The following ADARB1 variants were observed in gnomAD, a reference collection of about 807,000 sequenced individuals.
ADARB1 encodes the protein adenosine deaminase RNA specific B1.
Under a neutral mutation model 52.4 loss-of-function variants are expected in ADARB1, and 10 were observed. That is an observed-to-expected ratio of 0.19 (90% CI 0.12 to 0.32). The LOEUF is 0.32. Ranked by LOEUF, ADARB1 falls within the 10% of genes least tolerant of loss-of-function variation. The probability of loss-of-function intolerance (pLI) is 1.00; values close to 1 mark genes in which losing one functional copy is unlikely to be tolerated. For missense variants in ADARB1, 643 were observed against 922.3 expected, an observed-to-expected ratio of 0.70 and a Z score of 3.92; for synonymous variants, 349 against 371.1, an observed-to-expected ratio of 0.94 and a Z score of 0.68.
In ADARB1 at chr21:45,204,424, TGCACTCC is replaced by T; in HGVS notation, c.1566-130_1566-124del. The T allele has an allele frequency of 1.3e-6, 1 of 799,804 alleles. No individual in the cohort carries two copies. Among genetic ancestry groups the T allele is most frequent in the Admixed American group, 2.6e-5 (1 of 38,216 alleles). The allele number at this position is 799,804 out of a possible 1,614,324, so 49.5% of individuals were successfully genotyped here. On this transcript the variant is annotated intron_variant, in intron 8 of 10. Coordinates refer to ENST00000348831, the MANE Select transcript of ADARB1 (RefSeq NM_001112.4). This position sits in a 1 kb window ranked among gnomAD's most constrained non-coding sequence, Gnocchi z 4.4. ...CTAAATCAGTCTGTTAACTTTTTGT[TGCACTCC>T]TTCGTCAGTTGGTTGGGATCCTGCG...
At chr21:45,179,134 G>T (rs904317173) in intron 4 of ADARB1, among the ~76,000 whole-genome samples, 2 of 152,068 alleles carry the variant, frequency 1.3e-5, no homozygotes, top group Non-Finnish European at 2.9e-5. Context: ...TGGCACCCTG[G>T]CCACGTCCTG....
At chr21:45,096,786 G>A (rs2057659405) in intron 1 of ADARB1, among the ~76,000 whole-genome samples, 1 of 152,192 alleles carries the variant, frequency 6.6e-6, no homozygotes, top group Non-Finnish European at 1.5e-5. Context: ...GACAGAGTCT[G>A]TCTCTGTCGC....
chr21:45,224,810 A>C lies in ADARB1; in HGVS notation c.*2613A>C. The stretch of plus-strand genomic sequence containing the variant: ...TAGGACAGCTCATCTGTAATCAGAA[A>C]AAAAATAAACAAAATACAGAACGCT... On this transcript the variant is annotated 3_prime_UTR_variant, in exon 11 of 11. Transcript: ENST00000348831. 1.0e-6 allele frequency: 1 copy of C among 984,930 alleles called. No individual in the cohort carries two copies. Among genetic ancestry groups the C allele is most frequent in the Non-Finnish European group, 1.2e-6 (1 of 829,792 alleles). 61.0% of individuals were successfully genotyped at this position (984,930 alleles called of 1,614,324 possible).
chr21:45,080,380 G>A (rs1326293360), intron 1 of ADARB1, among the ~76,000 whole-genome samples: 1 of 152,250 alleles, frequency 6.6e-6, no homozygotes, highest in Non-Finnish European at 1.5e-5. Context: ...CCTTGAGAAG[G>A]TGAGAGGGAG....
At chr21:45,095,497 TGTC>T (rs1470504730) in intron 1 of ADARB1, among the ~76,000 whole-genome samples, 1 of 152,194 alleles carries the variant, frequency 6.6e-6, no homozygotes, top group Non-Finnish European at 1.5e-5. Context: ...GGCCTCACAT[TGTC>T]GTCCACGTTT....
At position 45,195,980 on chromosome 21, in the gene ADARB1, C is replaced by T. The variant is rs150591722; in HGVS notation, c.1566-8575C>T. 3.9e-5 allele frequency among the ~76,000 whole-genome samples: 6 copies of T among 152,288 alleles called. 1 individual carries two copies. The highest frequency in any genetic ancestry group is 1.2e-4 in the African/African-American group (5 of 41,562). On this transcript the variant is annotated intron_variant, in intron 8 of 10. Coordinates refer to ENST00000348831, the MANE Select transcript of ADARB1 (RefSeq NM_001112.4). ...TATTGATTGGGATTGTGTTGAATCTCTATGTCAAGTTGGACAGAACCAACG... is the reference window on the plus strand; with the variant it reads ...TATTGATTGGGATTGTGTTGAATCTTTATGTCAAGTTGGACAGAACCAACG...
intron 2 of ADARB1, among the ~76,000 whole-genome samples, chr21:45,158,318 G>A (rs973367989): frequency 3.3e-5 from 5 of 152,220 alleles, no homozygotes; most frequent in South Asian, 4.1e-4. Context: ...TCTGATCATC[G>A]CCTCCAGAGT....
intron 1 of ADARB1, among the ~76,000 whole-genome samples, chr21:45,114,901 A>G (rs2087745573): frequency 1.3e-5 from 2 of 152,256 alleles, no homozygotes. Context: ...TCAAGCAGGC[A>G]AACTGCCAAC....
At chr21:45,091,575 A>T (rs2086562345) in intron 1 of ADARB1, among the ~76,000 whole-genome samples, 1 of 152,196 alleles carries the variant, frequency 6.6e-6, no homozygotes, top group Admixed American at 6.5e-5. Context: ...TATGGCTCAG[A>T]GGGAGAGCAA....
rs2090023931 is a variant in ADARB1, at chr21:45,146,662, A to G, written c.-48+18089A>G. 2.6e-5 allele frequency among the ~76,000 whole-genome samples: 4 copies of G among 152,232 alleles called. No individual in the cohort carries two copies. The South Asian group carries it at 8.3e-4, about 32-fold the overall frequency. ...AAACCCTGACCCAGAGGGAGAAGGC[A>G]GAGAGTTGGACTTTTGAAAACGTGA... On this transcript the variant is annotated intron_variant, in intron 2 of 10. Transcript: ENST00000348831.
intron 2 of ADARB1, among the ~76,000 whole-genome samples, chr21:45,138,568 C>T (rs1455057697): frequency 1.3e-5 from 2 of 152,268 alleles, no homozygotes; most frequent in Middle Eastern, 3.4e-3. Flanking sequence ...TTGTGGAAGC[C>T]CTCAGCATAT....
At chr21:45,151,809 C>A (rs900100268) in intron 2 of ADARB1, among the ~76,000 whole-genome samples, 2 of 152,160 alleles carry the variant, frequency 1.3e-5, no homozygotes, top group African/African-American at 4.8e-5. Context: ...TGTCCCTGCT[C>A]GCCCCAGGCT....
intron 8 of ADARB1, among the ~76,000 whole-genome samples, chr21:45,189,015 A>G (rs751382102): frequency 2.6e-5 from 4 of 152,156 alleles, no homozygotes; most frequent in African/African-American, 4.8e-5. Context: ...CCTTTATAAA[A>G]TCATCACATC....
rs2089787536 is a variant in ADARB1 at position 45,142,642 on chromosome 21, GC to G, written c.-48+14072del. ...CCATGTGACCTTGGGCAGTGACTCA[GC>G]CCAGCTGGCTGCCAGGCTGCTCCCC... On this transcript the variant is annotated intron_variant, in intron 2 of 10. Coordinates refer to ENST00000348831, the MANE Select transcript of ADARB1 (RefSeq NM_001112.4). The surrounding 1 kb of genome is among the most constrained non-coding windows in gnomAD (Gnocchi z 4.0). 2.0e-5 allele frequency among the ~76,000 whole-genome samples: 3 copies of G among 152,328 alleles called. No homozygotes were observed. The South Asian group carries it at 6.2e-4, about 32-fold the overall frequency.
intron 2 of ADARB1, among the ~76,000 whole-genome samples, chr21:45,148,344 G>A (rs1351832939): frequency 6.6e-6 from 1 of 152,230 alleles, no homozygotes; most frequent in Non-Finnish European, 1.5e-5. Context: ...GGCCCTAGGT[G>A]CCCCATTGCT....
rs1484431367 is a variant in ADARB1, at chr21:45,172,718, C to G, written c.28+1034C>G. ...GTTGGCTTTGGTTGAAGTCAGCCAT[C>G]TGGGGTGTGAGGGTGAGACCACCTC... On this transcript the variant is annotated intron_variant, in intron 3 of 10. Transcript: ENST00000348831. The surrounding 1 kb of genome is among the most constrained non-coding windows in gnomAD (Gnocchi z 4.4). 3.9e-5 allele frequency among the ~76,000 whole-genome samples: 6 copies of G among 152,090 alleles called. No homozygotes were observed. The highest frequency in any genetic ancestry group is 7.3e-5 in the Non-Finnish European group (5 of 68,048).
At chr21:45,094,725 T>C (rs1289829165) in intron 1 of ADARB1, among the ~76,000 whole-genome samples, 1 of 151,970 alleles carries the variant, frequency 6.6e-6, no homozygotes, top group East Asian at 1.9e-4. Flanking sequence ...TCTCGCATCA[T>C]GTTGAGGGGA....
Position 45,220,330 on chromosome 21 carries a change from C to T in ADARB1, c.1748-506C>T, listed in dbSNP as rs546566131. On this transcript the variant is annotated intron_variant, in intron 9 of 10. Transcript: ENST00000348831. The surrounding 1 kb of genome is among the most constrained non-coding windows in gnomAD (Gnocchi z 6.3). ...CATGGATGTCACACATGCAAAGCCA[C>T]GTGACCTGAACATGCCTGGCCTCTC... Among the ~76,000 whole-genome samples, 4 of 152,258 alleles carry T rather than the reference C, an allele frequency of 2.6e-5. No individual in the cohort carries two copies. In the East Asian group the frequency reaches 7.7e-4, roughly 29 times the overall value.
rs1366262901 is a variant in ADARB1 at position 45,223,182 on chromosome 21, A to G, written c.*985A>G. 2.0e-6 allele frequency: 2 copies of G among 985,470 alleles called. No homozygotes were observed. Among genetic ancestry groups the G allele is most frequent in the Non-Finnish European group, 2.4e-6 (2 of 829,940 alleles). 61.0% of individuals were successfully genotyped at this position (985,470 alleles called of 1,614,324 possible). ...CCGAAGGCCTTCACAGGATGGAAGTAGAATGATTTCAGTAGATACTCATTC... is the reference window on the plus strand; with the variant it reads ...CCGAAGGCCTTCACAGGATGGAAGTGGAATGATTTCAGTAGATACTCATTC... On this transcript the variant is annotated 3_prime_UTR_variant, in exon 11 of 11. Transcript: ENST00000348831.
Sources: allele counts gnomAD v4.1 joint callset (sites outside exome capture counted in the v4.1 genomes callset), GRCh38; gene constraint gnomAD v4.1.1; non-coding constraint Gnocchi (gnomAD v3.1); transcripts MANE v1.5; gene names NCBI Gene and HGNC (gene_info 2026-07-23, HGNC 2026-07-21).